The following CDKAL1 variants were observed in gnomAD, a reference collection of about 807,000 sequenced individuals.
The protein encoded by CDKAL1 is CDKAL1 threonylcarbamoyladenosine tRNA methylthiotransferase.
In CDKAL1, 32 loss-of-function variants were observed where a neutral mutation model predicts 68.2. That is an observed-to-expected ratio of 0.47 (90% confidence interval 0.35 to 0.63). The LOEUF (loss-of-function observed/expected upper bound fraction) is 0.63. Among genes scored for constraint, CDKAL1 ranks in the 30% least tolerant of loss-of-function variants. CDKAL1 has a pLI of 0.00. For missense variants in CDKAL1, 606 were observed against 696.7 expected (o/e 0.87, Z 1.47); for synonymous variants, 234 against 244.3 (o/e 0.96, Z 0.39).
chr6:20,797,142 G>C (rs1372574376), intron 8 of CDKAL1, among the ~76,000 whole-genome samples: 1 of 152,146 alleles, frequency 6.6e-6, no homozygotes, highest in Non-Finnish European at 1.5e-5. Context: ...CATAGGACTT[G>C]TATCCAGAAT....
intron 5 of CDKAL1, among the ~76,000 whole-genome samples, chr6:20,704,042 A>G (rs1771490346): frequency 6.6e-6 from 1 of 152,230 alleles, no homozygotes; most frequent in African/African-American, 2.4e-5. Flanking sequence ...ATTTCATTCA[A>G]CACAATTATT....
chr6:20,637,036 CAAAA>C (rs58986368), intron 4 of CDKAL1, among the ~76,000 whole-genome samples: 2 of 113,260 alleles, frequency 1.8e-5, no homozygotes, highest in Admixed American at 9.1e-5. Context: ...GACTCCGTCT[CAAAA>C]AAAAAAAAAA....
At chr6:20,884,667 A>C (rs1760984585) in intron 9 of CDKAL1, among the ~76,000 whole-genome samples, 1 of 152,250 alleles carries the variant, frequency 6.6e-6, no homozygotes, top group African/African-American at 2.4e-5. Flanking sequence ...TGTAGGTTAT[A>C]AGATCACCAT....
At chr6:20,543,731 C>CTTT (rs1763475094) in intron 2 of CDKAL1, among the ~76,000 whole-genome samples, 2 of 129,314 alleles carry the variant, frequency 1.5e-5, no homozygotes, top group African/African-American at 6.5e-5. Context: ...TTATGTTTTA[C>CTTT]ATTTTTTTTT....
Position 21,091,755 on chromosome 6 carries a change from T to G in CDKAL1, c.1237-16646T>G, listed in dbSNP as rs1773016939. On this transcript the variant is annotated intron_variant, in intron 12 of 15. Coordinates refer to ENST00000274695, the MANE Select transcript of CDKAL1 (RefSeq NM_017774.3). Reference sequence around the variant, plus strand: ...TTGGGAAACCTGATCAGTTCAATACTTAGAGATGTTGACATCAGAGGTTCC... The same window carrying G: ...TTGGGAAACCTGATCAGTTCAATACGTAGAGATGTTGACATCAGAGGTTCC... Among the ~76,000 whole-genome samples the G allele has an allele frequency of 2.0e-5, 3 of 151,992 alleles. No homozygotes were observed. In the South Asian group the frequency reaches 6.2e-4, roughly 32 times the overall value.
chr6:20,726,633 T>C (rs1419573698), intron 5 of CDKAL1, among the ~76,000 whole-genome samples: 1 of 152,188 alleles, frequency 6.6e-6, no homozygotes, highest in African/African-American at 2.4e-5. Context: ...CTTTTATTGG[T>C]GATACTGGTT....
chr6:20,729,666 G>A (rs1484779500), intron 5 of CDKAL1, among the ~76,000 whole-genome samples: 2 of 152,178 alleles, frequency 1.3e-5, no homozygotes, highest in Non-Finnish European at 2.9e-5. Flanking sequence ...TACAGGTAAA[G>A]ACGCTGAAGC....
intron 14 of CDKAL1, 94 bp from the exon 15 acceptor site, chr6:21,201,016 A>C: frequency 1.7e-6 from 2 of 1,180,484 alleles, no homozygotes; most frequent in Non-Finnish European, 1.2e-6. Flanking sequence ...GGAGCTCTCC[A>C]TACTATCTTT....
Position 20,986,758 on chromosome 6 carries a change from C to A in CDKAL1, c.910-13469C>A, listed in dbSNP as rs180979463. On this transcript the variant is annotated intron_variant, in intron 10 of 15. Transcript: ENST00000274695. ...GTGGTATTATTAGACTTAGAAAAGC[C>A]AGAAGAACTGATATGGCAGGTCACT... 2.7e-3 allele frequency among the ~76,000 whole-genome samples: 413 copies of A among 151,926 alleles called. 8 individuals are homozygous for A. The South Asian group carries it at 0.04, about 15-fold the overall frequency.
chr6:21,069,071 G>A lies in CDKAL1; in HGVS notation c.1236+3843G>A, dbSNP rs540097534. 3.9e-5 allele frequency among the ~76,000 whole-genome samples: 6 copies of A among 152,006 alleles called. No homozygotes were observed. The East Asian group carries it at 1.2e-3, about 29-fold the overall frequency. On this transcript the variant is annotated intron_variant, in intron 12 of 15. Transcript: ENST00000274695. ...ATTAATTCTAATAGTGTTTCTGTAG[G>A]GTATTTTTTTAGATTTTCTTAGTAT...
intron 8 of CDKAL1, among the ~76,000 whole-genome samples, chr6:20,811,245 A>G (rs911413422): frequency 3.3e-5 from 5 of 152,192 alleles, no homozygotes; most frequent in African/African-American, 1.2e-4. Flanking sequence ...AGGCCTGTGT[A>G]CCATTTCCTA....
chr6:20,856,719 C>T (rs1759356940), intron 9 of CDKAL1, among the ~76,000 whole-genome samples: 1 of 152,142 alleles, frequency 6.6e-6, no homozygotes, highest in African/African-American at 2.4e-5. Context: ...TGAGGCTGAT[C>T]TGTCTCTGGG....
intron 4 of CDKAL1, among the ~76,000 whole-genome samples, chr6:20,598,156 G>T (rs558979609): frequency 6.6e-6 from 1 of 152,134 alleles, no homozygotes; most frequent in South Asian, 2.1e-4. Context: ...TGGGAGCCAC[G>T]GAAAGCTGTA....
chr6:20,819,683 G>C (rs1377349756), intron 8 of CDKAL1, among the ~76,000 whole-genome samples: 1 of 152,040 alleles, frequency 6.6e-6, no homozygotes, highest in Admixed American at 6.6e-5. Context: ...AACAAATGGG[G>C]TGCTTTTCTA....
intron 13 of CDKAL1, among the ~76,000 whole-genome samples, chr6:21,147,372 T>A (rs1034850362): frequency 2.0e-5 from 3 of 152,168 alleles, no homozygotes; most frequent in African/African-American, 7.2e-5. Context: ...GTAACTAACT[T>A]CCTTATGAGA....
intron 4 of CDKAL1, among the ~76,000 whole-genome samples, chr6:20,551,402 C>T (rs1196293504): frequency 6.0e-5 from 9 of 149,390 alleles, no homozygotes; most frequent in Middle Eastern, 3.3e-3. Flanking sequence ...GAGTCTCGCT[C>T]TGTCACCCAG....
At chr6:20,698,041 C>T (rs571940267) in intron 5 of CDKAL1, among the ~76,000 whole-genome samples, 21 of 152,274 alleles carry the variant, frequency 1.4e-4, no homozygotes, top group Admixed American at 2.6e-4. Flanking sequence ...GTTTTATACG[C>T]AAATCCTTTT....
chr6:20,904,679 C>G (rs901929945), intron 9 of CDKAL1, among the ~76,000 whole-genome samples: 7 of 152,022 alleles, frequency 4.6e-5, no homozygotes, highest in Non-Finnish European at 1.0e-4. Context: ...ATCCCAGCTA[C>G]TCGGGAGGCT....
At position 21,000,270 on chromosome 6, in the gene CDKAL1, T is replaced by A. The variant is rs1254515277; in HGVS notation, c.953T>A (p.Leu318Gln). Residue 318 changes from leucine (L) to glutamine (Q), a missense_variant, in exon 11 of 16, where the codon CTG becomes CAG. Coordinates refer to ENST00000274695, the MANE Select transcript of CDKAL1 (RefSeq NM_017774.3). Reference sequence around the variant, plus strand: ...AATCACCCCAGAGTCTACGCTTTTCTGCACATACCAGTCCAGTCTGCCTCC... The same window carrying A: ...AATCACCCCAGAGTCTACGCTTTTCAGCACATACCAGTCCAGTCTGCCTCC... Reference protein sequence around the residue: ...ILNHPRVYAFLHIPVQSASDS... With the variant: ...ILNHPRVYAFQHIPVQSASDS... 7 of 1,613,878 alleles carry A rather than the reference T, an allele frequency of 4.3e-6. No homozygotes were observed. The highest frequency in any genetic ancestry group is 1.3e-5 in the African/African-American group (1 of 74,952).
Sources: gnomAD v4.1 joint callset for allele counts (sites outside exome capture counted in the v4.1 genomes callset) on GRCh38, gnomAD v4.1.1 for gene constraint, MANE v1.5 for transcripts, NCBI Gene and HGNC (gene_info 2026-07-23, HGNC 2026-07-21) for gene names.